Variants in MTA1 observed in about 807,000 individuals in gnomAD.
The protein encoded by MTA1 is metastasis associated 1.
In MTA1, 15 loss-of-function variants were observed where a neutral mutation model predicts 97.0. The observed-to-expected ratio is 0.15, with a 90% CI of 0.10 to 0.24. The LOEUF is 0.24. Among genes scored for constraint, MTA1 ranks in the 10% least tolerant of loss-of-function variants. The pLI is 1.00. For synonymous variants in MTA1, 435 were observed against 417.5 expected (o/e 1.04, Z -0.51); for missense variants, 709 against 1,015.1 (o/e 0.70, Z 4.10).
intron 1 of MTA1, among the ~76,000 whole-genome samples, chr14:105,433,142 A>G (rs1263438290): frequency 6.6e-6 from 1 of 152,184 alleles, no homozygotes; most frequent in East Asian, 1.9e-4. Flanking sequence ...GAAGCGGCAC[A>G]GGGGCCGGGC....
chr14:105,466,214 G>GC, intron 16 of MTA1: 1 of 594,154 alleles, frequency 1.7e-6, no homozygotes, highest in Non-Finnish European at 3.0e-6. Flanking sequence ...TGCGGGACTG[G>GC]CCCGGGCACA....
intron 16 of MTA1, chr14:105,465,385 G>A (rs1056118373): frequency 9.6e-6 from 4 of 416,824 alleles, no homozygotes; most frequent in East Asian, 3.6e-5. Flanking sequence ...CCCTGCTCCT[G>A]GGGTCGTGAT....
At chr14:105,468,169 C>A (rs968620150) in intron 18 of MTA1, 1 of 515,312 alleles carries the variant, frequency 1.9e-6, no homozygotes, top group Non-Finnish European at 3.5e-6. Flanking sequence ...GAGCTGAGCT[C>A]GAGTGAGGGC....
At chr14:105,433,456 G>A (rs1360606477) in intron 1 of MTA1, among the ~76,000 whole-genome samples, 5 of 152,192 alleles carry the variant, frequency 3.3e-5, no homozygotes, top group Non-Finnish European at 5.9e-5. Context: ...GTGAGCAGAC[G>A]CTGTTGGCAG....
At chr14:105,467,664 A>G (rs1274575681) in intron 18 of MTA1, 2 of 362,734 alleles carry the variant, frequency 5.5e-6, no homozygotes, top group Non-Finnish European at 1.1e-5. Context: ...CCCCAGCCCC[A>G]GCCCTCCTTT....
intron 2 of MTA1, among the ~76,000 whole-genome samples, chr14:105,440,201 G>A (rs771943425): frequency 1.5e-4 from 23 of 152,242 alleles, no homozygotes; most frequent in Non-Finnish European, 3.1e-4. Context: ...CTTGGGTACT[G>A]CCGGAATGGG....
chr14:105,430,441 G>A (rs1555423144), intron 1 of MTA1, among the ~76,000 whole-genome samples: 1 of 152,116 alleles, frequency 6.6e-6, no homozygotes, highest in Non-Finnish European at 1.5e-5. Context: ...TACAATAGTA[G>A]CATCGAGGAG....
At position 105,463,956 on chromosome 14, in the gene MTA1, C is replaced by T. The variant is rs1325942920; in HGVS notation, c.1077-76C>T. The T allele has an allele frequency of 7.0e-6, 10 of 1,420,810 alleles. No individual in the cohort carries two copies. The highest frequency in any genetic ancestry group is 4.6e-5 in the East Asian group (2 of 43,692). 88.0% of individuals were successfully genotyped at this position (1,420,810 alleles called of 1,614,324 possible). On this transcript the variant is annotated intron_variant, in intron 12 of 20. Coordinates refer to ENST00000331320, the MANE Select transcript of MTA1 (RefSeq NM_004689.4). The surrounding 1 kb of genome is among the most constrained non-coding windows in gnomAD (Gnocchi z 5.9). The stretch of plus-strand genomic sequence containing the variant: ...GTTCTGGACAAGGGGTGGTCAGCCG[C>T]GGTGCCTGCTGGGCACATGGGCCCT...
chr14:105,457,353 C>A (rs1248876820), intron 7 of MTA1, among the ~76,000 whole-genome samples: 1 of 152,220 alleles, frequency 6.6e-6, no homozygotes, highest in East Asian at 1.9e-4. Flanking sequence ...TGGCCCTGGC[C>A]GACTGCAGGC....
In MTA1 at chr14:105,441,708, G is replaced by A. The variant is rs587680540; in HGVS notation, c.96+2969G>A. Among the ~76,000 whole-genome samples the A allele has an allele frequency of 4.1e-3, 630 of 152,228 alleles. 4 individuals carry two copies. The highest frequency in any genetic ancestry group is 0.013 in the African/African-American group (553 of 41,544). On this transcript the variant is annotated intron_variant, in intron 2 of 20. Coordinates refer to ENST00000331320, the MANE Select transcript of MTA1 (RefSeq NM_004689.4). ...ACTCGGGAGGCTGAGGCAGGAGAAT[G>A]GCGTGAACCCGGGAGGTGGAGCTTG...
At chr14:105,470,017 G>C in intron 20 of MTA1, 25 bp downstream of exon 20, 7 of 1,612,488 alleles carry the variant, frequency 4.3e-6, no homozygotes, top group East Asian at 2.2e-5. Context: ...GGGCAGGCGG[G>C]AGGGCTCCGC....
chr14:105,443,989 G>A (rs2082629015), intron 2 of MTA1, among the ~76,000 whole-genome samples: 1 of 152,160 alleles, frequency 6.6e-6, no homozygotes, highest in South Asian at 2.1e-4. Flanking sequence ...TCAGGAGGCT[G>A]AGGCAGGAGA....
In MTA1 at chr14:105,464,667, T is replaced by C. The variant is rs2083493438; in HGVS notation, c.1345-7T>C. On this transcript the variant is annotated splice_polypyrimidine_tract_variant and splice_region_variant and intron_variant, in intron 14 of 20. Coordinates refer to ENST00000331320, the MANE Select transcript of MTA1 (RefSeq NM_004689.4). The stretch of plus-strand genomic sequence containing the variant: ...CTGTGTTGGGGCGGTTGCGCCCCCT[T>C]CCGCAGAGTCCCCACGGCCTCCCAG... 3.7e-6 allele frequency: 6 copies of C among 1,602,544 alleles called. No individual in the cohort carries two copies. Among genetic ancestry groups the C allele is most frequent in the Non-Finnish European group, 5.1e-6 (6 of 1,172,642 alleles).
Position 105,464,614 on chromosome 14 carries a change from C to G in MTA1, c.1344+47C>G, listed in dbSNP as rs1365380123. 4 of 1,609,950 alleles carry G rather than the reference C, an allele frequency of 2.5e-6. No homozygotes were observed. The African/African-American group carries it at 4.0e-5, about 16-fold the overall frequency. ...CTGCCTGCCATGAGCCTGTCGGCCACGCGGGTCCTCGGCCCCCGGTCATGG... is the reference window on the plus strand; with the variant it reads ...CTGCCTGCCATGAGCCTGTCGGCCAGGCGGGTCCTCGGCCCCCGGTCATGG... On this transcript the variant is annotated intron_variant, in intron 14 of 20. Coordinates refer to ENST00000331320, the MANE Select transcript of MTA1 (RefSeq NM_004689.4).
intron 7 of MTA1, among the ~76,000 whole-genome samples, chr14:105,457,879 C>T (rs935590225): frequency 2.0e-5 from 3 of 151,836 alleles, no homozygotes; most frequent in Admixed American, 6.6e-5. Context: ...GAGCCAAGAT[C>T]GTACCACTGT....
At chr14:105,449,445 G>T in intron 4 of MTA1, 36 bp downstream of exon 4, 1 of 1,604,460 alleles carries the variant, frequency 6.2e-7, no homozygotes, top group South Asian at 1.1e-5. Context: ...GCGTCCTCCT[G>T]TCTGTGTCCC....
At chr14:105,440,559 G>A (rs2082477100) in intron 2 of MTA1, among the ~76,000 whole-genome samples, 1 of 152,262 alleles carries the variant, frequency 6.6e-6, no homozygotes, top group Non-Finnish European at 1.5e-5. Context: ...TGCAGGCAGG[G>A]GGCTGGCTTC....
chr14:105,439,254 G>A (rs28368593), intron 2 of MTA1, among the ~76,000 whole-genome samples: 251 of 9,228 alleles, frequency 0.027, 1 homozygote, highest in Middle Eastern at 0.056. Context: ...AGGTGTCTGC[G>A]TGGCTGGAAG....
intron 6 of MTA1, among the ~76,000 whole-genome samples, chr14:105,453,897 C>T (rs2083041170): frequency 6.6e-6 from 1 of 152,254 alleles, no homozygotes; most frequent in African/African-American, 2.4e-5. Flanking sequence ...GAGCCTGGCC[C>T]CACCCCTGCA....
Sources: gnomAD v4.1 joint callset for allele counts (sites outside exome capture counted in the v4.1 genomes callset) on GRCh38, gnomAD v4.1.1 for gene constraint, Gnocchi (gnomAD v3.1) non-coding constraint, MANE v1.5 for transcripts, NCBI Gene and HGNC (gene_info 2026-07-23, HGNC 2026-07-21) for gene names.